CD200: variants seen among roughly 807,000 people sequenced by gnomAD.
The protein encoded by CD200 is OX-2 membrane glycoprotein.
A neutral mutation model predicts 30.9 loss-of-function variants in CD200; 15 were observed. The observed-to-expected ratio is 0.49, with a 90% confidence interval of 0.32 to 0.75. The LOEUF (loss-of-function observed/expected upper bound fraction) is 0.75. Among genes scored for constraint, CD200 ranks in the 30% least tolerant of loss-of-function variants. The pLI is 0.03. For synonymous variants in CD200, 134 were observed against 126.2 expected (o/e 1.06, Z -0.41); for missense variants, 262 against 324.2 (o/e 0.81, Z 1.47).
intron 5 of CD200, among the ~76,000 whole-genome samples, chr3:112,356,206 C>A (rs1252309202): frequency 1.3e-5 from 2 of 152,170 alleles, no homozygotes; most frequent in Non-Finnish European, 2.9e-5. Context: ...ATACTCCAAC[C>A]TTCTCCCTTT....
intron 5 of CD200, among the ~76,000 whole-genome samples, chr3:112,358,756 T>G (rs2081678000): frequency 6.6e-6 from 1 of 152,222 alleles, no homozygotes. Context: ...TCTCCTGTCC[T>G]TACCACAACT....
rs116002293 is a variant in CD200, at chr3:112,359,609, T to A, written c.803-1934T>A. 4.8e-3 allele frequency among the ~76,000 whole-genome samples: 738 copies of A among 152,310 alleles called. 5 individuals are homozygous for A. The highest frequency in any genetic ancestry group is 0.017 in the African/African-American group (716 of 41,572). On this transcript the variant is annotated intron_variant, in intron 5 of 5. Transcript: ENST00000315711. ...CCATCTGATAGGTGATAAAACCAAATTCACAGAAGTTCAATTCATTCATTT... is the reference window on the plus strand; with the variant it reads ...CCATCTGATAGGTGATAAAACCAAAATCACAGAAGTTCAATTCATTCATTT...
intron 1 of CD200, chr3:112,334,203 CT>C (rs1367375199): frequency 1.0e-6 from 1 of 985,244 alleles, no homozygotes; most frequent in Non-Finnish European, 1.2e-6. Context: ...TTTCCAAGTC[CT>C]TGTGACTACA....
At chr3:112,333,076 G>C (rs1656029043), upstream of CD200, 2 of 1,322,544 alleles carry the variant, frequency 1.5e-6, no homozygotes, top group Non-Finnish European at 2.1e-6. Context: ...GGAAAACGGA[G>C]TGGGAGAAGG....
intron 5 of CD200, among the ~76,000 whole-genome samples, chr3:112,356,612 C>T (rs983126669): frequency 6.6e-6 from 1 of 152,198 alleles, no homozygotes; most frequent in Non-Finnish European, 1.5e-5. Context: ...AACTGAAATT[C>T]TTTTCATCTT....
intron 1 of CD200, chr3:112,334,315 T>A: frequency 1.1e-6 from 1 of 921,232 alleles, no homozygotes; most frequent in Non-Finnish European, 1.3e-6. Context: ...AAGACCCAGG[T>A]TTTTGTGAAC....
chr3:112,355,521 C>T (rs1188523081), intron 5 of CD200, among the ~76,000 whole-genome samples: 3 of 152,124 alleles, frequency 2.0e-5, no homozygotes, highest in Non-Finnish European at 4.4e-5. Context: ...TCACAGGGAA[C>T]TGTGAAAGTT....
In CD200 at chr3:112,361,826, G is replaced by C; in HGVS notation, c.*276G>C. ...GTTGAAAGGGCACTGGACTTAGTTA[G>C]TATCAGGAGCACTGAGCTCACAGAC... On this transcript the variant is annotated 3_prime_UTR_variant, in exon 6 of 6. Coordinates refer to ENST00000315711, the MANE Select transcript of CD200 (RefSeq NM_005944.7). 1.9e-6 allele frequency: 1 copy of C among 513,306 alleles called. No individual in the cohort carries two copies. The highest frequency in any genetic ancestry group is 3.3e-5 in the Admixed American group (1 of 30,682). The allele number at this position is 513,306 out of a possible 1,614,324, so 31.8% of individuals were successfully genotyped here.
In CD200 at chr3:112,361,902, C is replaced by A; in HGVS notation, c.*352C>A. On this transcript the variant is annotated 3_prime_UTR_variant, in exon 6 of 6. Transcript: ENST00000315711. ...CCTCTGTTAGTCACTTTACCTCATCCAAAGTATAAAGGAATTGGACCAAAT... is the reference window on the plus strand; with the variant it reads ...CCTCTGTTAGTCACTTTACCTCATCAAAAGTATAAAGGAATTGGACCAAAT... The A allele has an allele frequency of 3.5e-6, 1 of 288,480 alleles. No homozygotes were observed. The highest frequency in any genetic ancestry group is 6.4e-6 in the Non-Finnish European group (1 of 155,358). 17.9% of individuals were successfully genotyped at this position (288,480 alleles called of 1,614,324 possible).
At chr3:112,351,790 A>T (rs963718278) in intron 5 of CD200, among the ~76,000 whole-genome samples, 1 of 152,220 alleles carries the variant, frequency 6.6e-6, no homozygotes, top group Non-Finnish European at 1.5e-5. Context: ...AGGCTATACA[A>T]GCACAGTGCC....
intron 1 of CD200, chr3:112,333,763 G>A: frequency 1.0e-6 from 1 of 985,438 alleles, no homozygotes; most frequent in Non-Finnish European, 1.2e-6. Flanking sequence ...GCCCTTGCCT[G>A]GGGGAAGCCA....
intron 2 of CD200, among the ~76,000 whole-genome samples, chr3:112,342,401 CTTTCTTTCTTTCTTTCTTTCTTTCTTTCT>C (rs2081283299): frequency 3.5e-5 from 2 of 57,096 alleles, no homozygotes; most frequent in African/African-American, 7.1e-5. Flanking sequence ...TTCTTTCTTT[CTTTCTTTCTTTCTTTCTTTCTTTCTTTCT>C]TCTCTCTCTT....
chr3:112,336,622 T>G (rs2081123249), intron 1 of CD200, among the ~76,000 whole-genome samples: 1 of 151,466 alleles, frequency 6.6e-6, no homozygotes, highest in Non-Finnish European at 1.5e-5. Context: ...TGGGCCAATA[T>G]TCTAGAAATA....
chr3:112,339,537 G>A (rs1337840406), intron 1 of CD200, among the ~76,000 whole-genome samples: 2 of 152,310 alleles, frequency 1.3e-5, no homozygotes, highest in East Asian at 1.9e-4. Context: ...CCAGACATGG[G>A]AAGTTCAGGA....
intron 1 of CD200, chr3:112,333,498 G>T (rs2081044204): frequency 1.0e-6 from 1 of 985,334 alleles, no homozygotes; most frequent in Non-Finnish European, 1.2e-6. Flanking sequence ...CCAGGCCGGG[G>T]CTCCGGGGGC....
At chr3:112,345,355 C>A (rs948862862) in intron 3 of CD200, 67 bp downstream of exon 3, 38 of 1,284,152 alleles carry the variant, frequency 3.0e-5, no homozygotes, top group Non-Finnish European at 3.8e-5. Flanking sequence ...TGGAATATAG[C>A]CGTAGTGCCC....
At position 112,340,956 on chromosome 3, in the gene CD200, G is replaced by A; in HGVS notation, c.67G>A (p.Ala23Thr). The change falls in exon 2 of 6, where the codon GCA becomes ACA. Residue 23 changes from alanine (A) to threonine (T), a missense_variant. Physicochemically the swap from Ala to Thr is moderately conservative, Grantham distance 58. Coordinates refer to ENST00000315711, the MANE Select transcript of CD200 (RefSeq NM_005944.7). ...TACCTACAGCCTGGTTTGGGTCATG[G>A]CAGCAGTGGTGCTGTGCACAGCACA... Reference protein sequence around the residue: ...LSTYSLVWVMAAVVLCTAQVQ... With the variant: ...LSTYSLVWVMTAVVLCTAQVQ... 1 of 1,612,350 alleles carries A rather than the reference G, an allele frequency of 6.2e-7. No individual in the cohort carries two copies. The highest frequency in any genetic ancestry group is 1.1e-5 in the South Asian group (1 of 91,000).
chr3:112,335,510 A>T (rs971956457), intron 1 of CD200, among the ~76,000 whole-genome samples: 3 of 152,232 alleles, frequency 2.0e-5, no homozygotes, highest in Non-Finnish European at 4.4e-5. Context: ...ATGTAAGGAA[A>T]AAGCAACTTA....
In CD200 at chr3:112,358,649, C is replaced by T. The variant is rs542296969; in HGVS notation, c.803-2894C>T. 3.0e-4 allele frequency among the ~76,000 whole-genome samples: 46 copies of T among 152,240 alleles called. 1 individual carries two copies. In the South Asian group the frequency reaches 9.5e-3, roughly 32 times the overall value. ...AATGGATTTCCAGGAAACTAAACTG[C>T]CGCATGTCAGGAAGAGCGGCTACCT... is the stretch of plus-strand genomic sequence containing the variant. On this transcript the variant is annotated intron_variant, in intron 5 of 5. Transcript: ENST00000315711.
Sources: gnomAD v4.1 joint callset for allele counts (sites outside exome capture counted in the v4.1 genomes callset) on GRCh38, gnomAD v4.1.1 for gene constraint, MANE v1.5 for transcripts, NCBI Gene and HGNC (gene_info 2026-07-23, HGNC 2026-07-21) for gene names.